The following SCYL2 variants were observed in gnomAD, a reference collection of about 807,000 sequenced individuals.
SCYL2 encodes the protein SCY1 like pseudokinase 2.
Under a neutral mutation model 100.4 loss-of-function variants are expected in SCYL2, and 36 were observed. The ratio of observed to expected loss-of-function variants is 0.36; its 90% CI spans 0.27 to 0.47. The LOEUF (loss-of-function observed/expected upper bound fraction) is 0.47. Among genes scored for constraint, SCYL2 ranks in the 20% least tolerant of loss-of-function variants. SCYL2 has a pLI of 1.00. For synonymous variants in SCYL2, 330 were observed against 359.2 expected (o/e 0.92, Z 0.92); for missense variants, 902 against 1,083.9 (o/e 0.83, Z 2.36).
intron 13 of SCYL2, 141 bp from the exon 14 acceptor site, chr12:100,334,025 T>C (rs1413522524): frequency 3.6e-6 from 2 of 551,066 alleles, no homozygotes; most frequent in Non-Finnish European, 6.4e-6. Context: ...ATCATTCTTA[T>C]TGAATATCAG....
intron 10 of SCYL2, among the ~76,000 whole-genome samples, chr12:100,323,188 G>A (rs1273944107): frequency 6.6e-6 from 1 of 152,124 alleles, no homozygotes; most frequent in Non-Finnish European, 1.5e-5. Context: ...CTGAGAGATA[G>A]CAAAACTTAT....
chr12:100,336,042 A>C (rs1952272907), intron 16 of SCYL2, 136 bp downstream of exon 16: 2 of 680,450 alleles, frequency 2.9e-6, no homozygotes, highest in Non-Finnish European at 5.0e-6. Flanking sequence ...AAATTCCTTT[A>C]TCAGTTAAAC....
At chr12:100,273,100 G>A (rs2096289243) in intron 1 of SCYL2, among the ~76,000 whole-genome samples, 2 of 152,042 alleles carry the variant, frequency 1.3e-5, no homozygotes, top group Admixed American at 6.6e-5. Flanking sequence ...GCTTGATAGA[G>A]TGATTGATCA....
intron 13 of SCYL2, among the ~76,000 whole-genome samples, chr12:100,329,559 T>A (rs1952182549): frequency 1.3e-5 from 2 of 152,178 alleles, no homozygotes; most frequent in Admixed American, 6.5e-5. Flanking sequence ...AATTTGGGGC[T>A]GGGAAATTGA....
chr12:100,294,725 GGGT>G lies in SCYL2; in HGVS notation c.335+3068_335+3070del, dbSNP rs1202806766. ...GACCCCCCCACCTCCCTCCCGGACGGGGTGGCTGGCCGGGTGGGGGGCTGACCC... is the reference window on the plus strand; with the variant it reads ...GACCCCCCCACCTCCCTCCCGGACGGGGCTGGCCGGGTGGGGGGCTGACCC... On this transcript the variant is annotated intron_variant, in intron 3 of 17. Coordinates refer to ENST00000360820, the MANE Select transcript of SCYL2 (RefSeq NM_017988.6). Among the ~76,000 whole-genome samples the G allele has an allele frequency of 5.3e-5, 7 of 132,738 alleles. No homozygotes were observed. In the East Asian group the frequency reaches 1.6e-3, roughly 30 times the overall value. 87.1% of individuals were successfully genotyped at this position (132,738 alleles called of 152,430 possible).
chr12:100,267,848 C>G (rs904997916), intron 1 of SCYL2, 56 bp downstream of exon 1: 1 of 152,692 alleles, frequency 6.5e-6, no homozygotes, highest in Non-Finnish European at 1.5e-5. Flanking sequence ...GGGTCACCAG[C>G]CAGGGCCCTG....
chr12:100,326,076 C>T (rs954003932), intron 11 of SCYL2, among the ~76,000 whole-genome samples: 12 of 151,988 alleles, frequency 7.9e-5, no homozygotes, highest in African/African-American at 2.2e-4. Flanking sequence ...ATGTATTTAT[C>T]AAATAGTCAA....
rs79280236 is a variant in SCYL2, at chr12:100,317,790, G to A, written c.1273-13G>A. On this transcript the variant is annotated splice_polypyrimidine_tract_variant and intron_variant, in intron 9 of 17. Coordinates refer to ENST00000360820, the MANE Select transcript of SCYL2 (RefSeq NM_017988.6). Reference sequence around the variant, plus strand: ...TTCCAGGTTTTAATACATTGTTTCCGTTTTCTAAACAGATTTTGTTAATTT... The same window carrying A: ...TTCCAGGTTTTAATACATTGTTTCCATTTTCTAAACAGATTTTGTTAATTT... 28,660 of 1,583,370 alleles carry A rather than the reference G, an allele frequency of 0.018. 299 individuals carry two copies. Among genetic ancestry groups the A allele is most frequent in the Non-Finnish European group, 0.019 (22,661 of 1,172,240 alleles).
In SCYL2 at chr12:100,338,951, T is replaced by C. The variant is rs1217389688; in HGVS notation, c.2569T>C (p.Ser857Pro). ...QKPKVSMNQL[S>P]QQKPNQWLNQ... is the part of the protein sequence containing the mutation. ...ACCCAAAGTTAGCATGAACCAGTTA[T>C]CACAACAGAAACCAAATCAGTGGCT... The change falls in exon 18 of 18, where the codon TCA (serine) becomes CCA (proline). Residue 857 changes from serine to proline, a missense_variant. Coordinates refer to ENST00000360820, the MANE Select transcript of SCYL2 (RefSeq NM_017988.6). 1.2e-6 allele frequency: 2 copies of C among 1,614,156 alleles called. No homozygotes were observed. Among genetic ancestry groups the C allele is most frequent in the East Asian group, 2.2e-5 (1 of 44,892 alleles).
At chr12:100,336,304 T>A (rs1194716924) in intron 16 of SCYL2, among the ~76,000 whole-genome samples, 1 of 152,122 alleles carries the variant, frequency 6.6e-6, no homozygotes, top group Non-Finnish European at 1.5e-5. Flanking sequence ...AGTATTTTAA[T>A]TTCTCTCCCA....
intron 5 of SCYL2, 45 bp downstream of exon 5, chr12:100,311,238 T>C: frequency 6.4e-7 from 1 of 1,557,742 alleles, no homozygotes; most frequent in Non-Finnish European, 8.7e-7. Flanking sequence ...CAGGGAAATT[T>C]TGATTGCATC....
chr12:100,325,819 G>A (rs557121202), intron 11 of SCYL2, among the ~76,000 whole-genome samples: 26 of 152,020 alleles, frequency 1.7e-4, no homozygotes, highest in African/African-American at 6.0e-4. Flanking sequence ...CAAGTTAAGC[G>A]TTCAGATACC....
At chr12:100,277,914 A>C (rs538120967) in intron 1 of SCYL2, among the ~76,000 whole-genome samples, 1 of 151,994 alleles carries the variant, frequency 6.6e-6, no homozygotes, top group Non-Finnish European at 1.5e-5. Flanking sequence ...TTGAGGGTCT[A>C]CAGTATATAT....
At chr12:100,269,164 A>T (rs1195290740) in intron 1 of SCYL2, among the ~76,000 whole-genome samples, 1 of 152,168 alleles carries the variant, frequency 6.6e-6, no homozygotes, top group African/African-American at 2.4e-5. Context: ...ACACATTAAC[A>T]TGCCCTACAA....
intron 4 of SCYL2, among the ~76,000 whole-genome samples, chr12:100,307,144 C>G (rs2096335525): frequency 1.3e-5 from 2 of 152,158 alleles, no homozygotes; most frequent in African/African-American, 4.8e-5. Flanking sequence ...GAAAAAAGTA[C>G]TTTAAATTTC....
chr12:100,299,786 A>T (rs934879638), intron 4 of SCYL2, among the ~76,000 whole-genome samples: 1 of 151,594 alleles, frequency 6.6e-6, no homozygotes, highest in Non-Finnish European at 1.5e-5. Context: ...GGTTGTTTCT[A>T]GTTTTTGGCT....
rs553420477 is a variant in SCYL2, at chr12:100,333,407, C to A, written c.1762-759C>A. Among the ~76,000 whole-genome samples the A allele has an allele frequency of 2.6e-5, 4 of 152,174 alleles. No individual in the cohort carries two copies. The East Asian group carries it at 7.7e-4, about 29-fold the overall frequency. On this transcript the variant is annotated intron_variant, in intron 13 of 17. Transcript: ENST00000360820. ...TTTGTAGATTAGAAATATTAATGAACCTACTTTGAAGAGTTGTGAGGATTA... is the reference window on the plus strand; with the variant it reads ...TTTGTAGATTAGAAATATTAATGAAACTACTTTGAAGAGTTGTGAGGATTA...
intron 12 of SCYL2, 84 bp downstream of exon 12, chr12:100,326,838 C>G: frequency 9.0e-7 from 1 of 1,111,076 alleles, no homozygotes; most frequent in African/African-American, 1.6e-5. Flanking sequence ...ACTCTCCTTT[C>G]GTGTATATAG....
chr12:100,326,808 C>T lies in SCYL2; in HGVS notation c.1642+54C>T, dbSNP rs1013665207. 2.7e-6 allele frequency: 4 copies of T among 1,506,600 alleles called. No individual in the cohort carries two copies. In the African/African-American group the frequency reaches 4.2e-5, roughly 16 times the overall value. The allele number at this position is 1,506,600 out of a possible 1,614,324, so 93.3% of individuals were successfully genotyped here. A position where few individuals can be genotyped will look rare whatever the true frequency, so the allele number is the denominator to read the frequency against. On this transcript the variant is annotated intron_variant, in intron 12 of 17. Transcript: ENST00000360820. The stretch of plus-strand genomic sequence containing the variant: ...CTATTTTATCATGCAAATAAATTTT[C>T]CAATCTATAAAACAATTATACTCTC...
Sources: gnomAD v4.1 joint callset for allele counts (sites outside exome capture counted in the v4.1 genomes callset) on GRCh38, gnomAD v4.1.1 for gene constraint, MANE v1.5 for transcripts, NCBI Gene and HGNC (gene_info 2026-07-23, HGNC 2026-07-21) for gene names.